The following NCAPG variants were observed in gnomAD, a reference collection of about 807,000 sequenced individuals.
NCAPG encodes condensin complex subunit 3.
In NCAPG, 69 loss-of-function variants were observed where a neutral mutation model predicts 113.1. The ratio of observed to expected loss-of-function variants is 0.61; its 90% CI spans 0.50 to 0.75. The LOEUF (loss-of-function observed/expected upper bound fraction) is 0.75. NCAPG is among the 30% of genes least tolerant of loss of function. The probability of loss-of-function intolerance (pLI) is 0.00; values close to 1 mark genes in which losing one functional copy is unlikely to be tolerated. For missense variants in NCAPG, 1,058 were observed against 1,177.0 expected, an observed-to-expected ratio of 0.90 and a Z score of 1.48; for synonymous variants, 370 against 415.8, an observed-to-expected ratio of 0.89 and a Z score of 1.34.
chr4:17,841,137 C>G (rs1385212068), intron 19 of NCAPG: 2 of 151,956 alleles, frequency 1.3e-5, no homozygotes, highest in African/African-American at 2.4e-5. Flanking sequence ...AATAGGGGAT[C>G]TGTTGGCAAA....
In NCAPG at chr4:17,825,341, A is replaced by C. The variant is rs147124529; in HGVS notation, c.1474-41A>C. On this transcript the variant is annotated intron_variant, in intron 10 of 20. Transcript: ENST00000251496. ...AGTTGCTACAGATATTCATATTAACAGTTTTTGTTCAGTGTTGAAACAATT... is the reference window on the plus strand; with the variant it reads ...AGTTGCTACAGATATTCATATTAACCGTTTTTGTTCAGTGTTGAAACAATT... 1.3e-3 allele frequency: 1,867 copies of C among 1,493,124 alleles called. 27 individuals carry two copies. In the African/African-American group the frequency reaches 0.024, roughly 19 times the overall value. 92.5% of individuals were successfully genotyped at this position (1,493,124 alleles called of 1,614,324 possible).
At chr4:17,833,303 AC>A (rs1721946736) in intron 13 of NCAPG, among the ~76,000 whole-genome samples, 1 of 151,706 alleles carries the variant, frequency 6.6e-6, no homozygotes, top group African/African-American at 2.4e-5. Flanking sequence ...TACTAAAAAT[AC>A]AAAAATTAAC....
chr4:17,828,475 A>AAATATCTTAAATATTAATTAAATT, intron 12 of NCAPG, 87 bp downstream of exon 12: 1 of 666,078 alleles, frequency 1.5e-6, no homozygotes, highest in Non-Finnish European at 2.6e-6. Flanking sequence ...AAAATAATGA[A>AAATATCTTAAATATTAATTAAATT]AAGATTACTG....
intron 7 of NCAPG, 59 bp downstream of exon 7, chr4:17,818,147 C>T: frequency 1.3e-6 from 2 of 1,495,976 alleles, no homozygotes; most frequent in East Asian, 4.6e-5. Context: ...GTCAATCTCC[C>T]AGTCCCCTTC....
intron 16 of NCAPG, among the ~76,000 whole-genome samples, chr4:17,839,126 T>G (rs1722225211): frequency 6.6e-6 from 1 of 152,174 alleles, no homozygotes; most frequent in African/African-American, 2.4e-5. Flanking sequence ...TGGGGAGTAC[T>G]CTCATGATCA....
chr4:17,840,250 T>G (rs1722296772), intron 18 of NCAPG, 41 bp downstream of exon 18: 3 of 1,463,308 alleles, frequency 2.1e-6, no homozygotes, highest in Non-Finnish European at 2.7e-6. Context: ...GGTTCTGTTT[T>G]TTTTTTTCCA....
In NCAPG at chr4:17,840,229, A is replaced by G. The variant is rs957741171; in HGVS notation, c.2767+20A>G. The G allele has an allele frequency of 6.5e-7, 1 of 1,539,046 alleles. No individual in the cohort carries two copies. Among genetic ancestry groups the G allele is most frequent in the East Asian group, 2.3e-5 (1 of 42,712 alleles). On this transcript the variant is annotated intron_variant, in intron 18 of 20. Coordinates refer to ENST00000251496, the MANE Select transcript of NCAPG (RefSeq NM_022346.5). ...AAGATGGTAATCACATACTGAACAG[A>G]ATATTTATAAGGTTCTGTTTTTTTT... is the stretch of plus-strand genomic sequence containing the variant.
At chr4:17,841,300 T>C (rs963566199) in intron 19 of NCAPG, 19 of 152,130 alleles carry the variant, frequency 1.2e-4, no homozygotes, top group African/African-American at 4.1e-4. Context: ...GGAACACTAA[T>C]AATCCCACCC....
chr4:17,813,523 T>C (rs964514395), intron 3 of NCAPG, among the ~76,000 whole-genome samples: 3 of 152,202 alleles, frequency 2.0e-5, no homozygotes, highest in Non-Finnish European at 4.4e-5. Flanking sequence ...ATATAATACC[T>C]GTTACTGTGT....
At chr4:17,823,157 C>T in intron 8 of NCAPG, 34 bp downstream of exon 8, 1 of 1,579,136 alleles carries the variant, frequency 6.3e-7, no homozygotes, top group Non-Finnish European at 8.6e-7. Context: ...TTCTAATTTG[C>T]CCTTCTAATT....
At chr4:17,825,931 CCTTT>C (rs1170157153) in intron 11 of NCAPG, among the ~76,000 whole-genome samples, 1 of 151,934 alleles carries the variant, frequency 6.6e-6, no homozygotes, top group Admixed American at 6.6e-5. Context: ...GGATCAATGA[CCTTT>C]CTTTTTTATT....
intron 13 of NCAPG, among the ~76,000 whole-genome samples, chr4:17,833,743 T>C (rs1721971681): frequency 6.6e-6 from 1 of 152,064 alleles, no homozygotes; most frequent in Non-Finnish European, 1.5e-5. Context: ...TTTCGTGATT[T>C]ACGTCTTTTC....
At chr4:17,814,392 C>T (rs1189728114) in intron 3 of NCAPG, among the ~76,000 whole-genome samples, 1 of 152,022 alleles carries the variant, frequency 6.6e-6, no homozygotes, top group East Asian at 1.9e-4. Context: ...ATAGTGAGAC[C>T]TTGTCTCCAA....
At chr4:17,812,802 G>C (rs1721053345) in intron 2 of NCAPG, 115 bp from the exon 3 acceptor site, 4 of 842,422 alleles carry the variant, frequency 4.7e-6, no homozygotes, top group Non-Finnish European at 5.7e-6. Context: ...GTTCTCTTCA[G>C]GAAATGAATT....
At position 17,837,407 on chromosome 4, in the gene NCAPG, A is replaced by G. The variant is rs1455165881; in HGVS notation, c.2291+67A>G. On this transcript the variant is annotated intron_variant, in intron 15 of 20. Transcript: ENST00000251496. ...CAAATTCAAGTCCCCCATGAATTAT[A>G]TCTATAATGATATTTTGTTGTTGAT... is the stretch of plus-strand genomic sequence containing the variant. The G allele has an allele frequency of 6.5e-6, 9 of 1,394,556 alleles. No individual in the cohort carries two copies. In the South Asian group the frequency reaches 1.1e-4, roughly 17 times the overall value. The allele number at this position is 1,394,556 out of a possible 1,614,324, so 86.4% of individuals were successfully genotyped here.
At chr4:17,830,510 A>G (rs1721822621) in intron 12 of NCAPG, among the ~76,000 whole-genome samples, 2 of 150,884 alleles carry the variant, frequency 1.3e-5, no homozygotes, top group South Asian at 4.2e-4. Flanking sequence ...TACAGATACG[A>G]TGTTTTGGTT....
intron 3 of NCAPG, 23 bp from the exon 4 acceptor site, chr4:17,814,830 A>G: frequency 3.7e-6 from 6 of 1,605,060 alleles, no homozygotes; most frequent in Non-Finnish European, 5.1e-6. Flanking sequence ...CATCAGTACT[A>G]AAATGTATTG....
At chr4:17,813,280 A>C in intron 3 of NCAPG, 135 bp downstream of exon 3, 1 of 670,518 alleles carries the variant, frequency 1.5e-6, no homozygotes, top group South Asian at 2.9e-5. Flanking sequence ...AACAAAAAAA[A>C]CCTAAGTAGC....
chr4:17,822,340 C>G (rs979416259), intron 7 of NCAPG, among the ~76,000 whole-genome samples: 4 of 151,840 alleles, frequency 2.6e-5, no homozygotes, highest in African/African-American at 9.7e-5. Flanking sequence ...ATTACAGTAG[C>G]CACCATGCCT....
Sources: allele counts gnomAD v4.1 joint callset (sites outside exome capture counted in the v4.1 genomes callset), GRCh38; gene constraint gnomAD v4.1.1; transcripts MANE v1.5; gene names NCBI Gene and HGNC (gene_info 2026-07-23, HGNC 2026-07-21).